GLI2: variants seen among roughly 807,000 people sequenced by gnomAD.
GLI2 encodes GLI family zinc finger 2, also known as transcription activator GLI2.
A neutral mutation model predicts 78.9 loss-of-function variants in GLI2; 22 were observed. The ratio of observed to expected loss-of-function variants is 0.28; its 90% CI spans 0.20 to 0.40. The LOEUF (loss-of-function observed/expected upper bound fraction) is 0.40. Ranked by LOEUF, GLI2 falls within the 10% of genes least tolerant of loss-of-function variation. The pLI is 1.00. For synonymous variants in GLI2, 974 were observed against 963.7 expected (o/e 1.01, Z -0.20); for missense variants, 2,097 against 2,213.2 (o/e 0.95, Z 1.05).
chr2:120,815,648 C>T (rs377039283), intron 2 of GLI2, among the ~76,000 whole-genome samples: 2 of 152,192 alleles, frequency 1.3e-5, no homozygotes, highest in South Asian at 2.1e-4. Flanking sequence ...CCTTCCCCTG[C>T]TTTTCTACCC....
At chr2:120,873,390 A>G (rs1312135928) in intron 2 of GLI2, among the ~76,000 whole-genome samples, 2 of 152,234 alleles carry the variant, frequency 1.3e-5, no homozygotes. Context: ...TTTTATGGAA[A>G]ATATTTCCCA....
chr2:120,947,854 C>T (rs527238124), intron 3 of GLI2, among the ~76,000 whole-genome samples: 228 of 152,286 alleles, frequency 1.5e-3, no homozygotes, highest in Middle Eastern at 3.4e-3. Flanking sequence ...TATCTGCCTC[C>T]GGGGGATGGC....
At chr2:120,910,570 G>A (rs1678766028) in intron 2 of GLI2, among the ~76,000 whole-genome samples, 2 of 152,216 alleles carry the variant, frequency 1.3e-5, no homozygotes, top group African/African-American at 4.8e-5. Context: ...GACCCGGGGT[G>A]GGCCCTTTGC....
At position 120,991,913 on chromosome 2, in the gene GLI2, A is replaced by T. The variant is rs1187626176; in HGVS notation, c.*1238A>T. ...TCGTTGAATTTTCCTGTTCAGTGTG[A>T]CCAAGACCCACCTGGAAATGGAATT... On this transcript the variant is annotated 3_prime_UTR_variant, in exon 14 of 14. Transcript: ENST00000361492. The T allele has an allele frequency of 1.3e-5, 2 of 152,006 alleles. No homozygotes were observed. The highest frequency in any genetic ancestry group is 2.4e-5 in the African/African-American group (1 of 41,296). 9.4% of individuals were successfully genotyped at this position (152,006 alleles called of 1,614,324 possible). A position where few individuals can be genotyped will look rare whatever the true frequency, so the allele number is the denominator to read the frequency against.
rs147593242 is a variant in GLI2 at position 120,824,582 on chromosome 2, G to A, written c.148+27114G>A. Among the ~76,000 whole-genome samples, 26 of 152,330 alleles carry A rather than the reference G, an allele frequency of 1.7e-4. No homozygotes were observed. In the East Asian group the frequency reaches 4.8e-3, roughly 28 times the overall value. The stretch of plus-strand genomic sequence containing the variant: ...ACTGCCCCCTGCTCCATCTCTGGCT[G>A]TAAGCCCCTTTGGGCCCCCTTTGGG... On this transcript the variant is annotated intron_variant, in intron 2 of 13. Transcript: ENST00000361492.
At position 120,974,889 on chromosome 2, in the gene GLI2, C is replaced by G. The variant is rs755203507; in HGVS notation, c.1183-86C>G. The G allele has an allele frequency of 2.5e-6, 4 of 1,606,378 alleles. No homozygotes were observed. The South Asian group carries it at 4.4e-5, about 18-fold the overall frequency. On this transcript the variant is annotated intron_variant, in intron 8 of 13. Transcript: ENST00000361492. ...CTGTAACAGCCCAGGGTCCTTGGCA[C>G]AGAATGCATGGGACTAACAGCGACC...
At chr2:120,894,819 C>T (rs1477394676) in intron 2 of GLI2, among the ~76,000 whole-genome samples, 1 of 152,170 alleles carries the variant, frequency 6.6e-6, no homozygotes, top group African/African-American at 2.4e-5. Flanking sequence ...CTGCCTCAGC[C>T]TCCGGAGTAG....
At chr2:120,811,150 G>T (rs568117122) in intron 2 of GLI2, among the ~76,000 whole-genome samples, 139 of 152,350 alleles carry the variant, frequency 9.1e-4, no homozygotes, top group African/African-American at 3.0e-3. Context: ...GGTGGCCCAT[G>T]TGCTGCTGGT....
intron 1 of GLI2, among the ~76,000 whole-genome samples, chr2:120,762,188 T>A (rs1483621549): frequency 2.0e-5 from 3 of 151,804 alleles, no homozygotes; most frequent in African/African-American, 7.3e-5. Context: ...GGCTTAGGGG[T>A]TTCTACTGGG....
At chr2:120,771,333 C>T (rs75854441) in intron 1 of GLI2, among the ~76,000 whole-genome samples, 2,356 of 152,322 alleles carry the variant, frequency 0.015, 53 homozygotes, top group African/African-American at 0.052. Flanking sequence ...GCGATTGGGG[C>T]GGACACTTGC....
intron 1 of GLI2, among the ~76,000 whole-genome samples, chr2:120,796,166 G>A (rs1684383426): frequency 1.3e-5 from 2 of 152,210 alleles, no homozygotes; most frequent in Admixed American, 6.5e-5. Context: ...AGCTGGAGAC[G>A]GAAGTTGCCC....
In GLI2 at chr2:120,990,168, G is replaced by A. The variant is rs1573744473; in HGVS notation, c.4203G>A (p.Lys1401=). Residue 1401 remains lysine, a synonymous_variant, in exon 14 of 14, where the codon AAG becomes AAA. Transcript: ENST00000361492. ...SSQETAEAVP[K]GAMGNMGSVP... ...AGGAAACAGCAGAGGCTGTGCCCAA[G>A]GGAGCGATGGGCAACATGGGGTCGG... 6.2e-7 allele frequency: 1 copy of A among 1,612,672 alleles called. No individual in the cohort carries two copies. Among genetic ancestry groups the A allele is most frequent in the South Asian group, 1.1e-5 (1 of 91,056 alleles).
intron 5 of GLI2, among the ~76,000 whole-genome samples, chr2:120,965,934 C>T (rs886500034): frequency 1.3e-5 from 2 of 152,180 alleles, no homozygotes; most frequent in African/African-American, 2.4e-5. Flanking sequence ...GTGGGCATCC[C>T]CAGAAGCAAC....
intron 2 of GLI2, among the ~76,000 whole-genome samples, chr2:120,871,971 CG>C (rs1195885765): frequency 3.3e-5 from 5 of 152,148 alleles, no homozygotes; most frequent in African/African-American, 2.4e-5. Flanking sequence ...GAGGGACCCC[CG>C]GGGTCTGGGC....
intron 2 of GLI2, among the ~76,000 whole-genome samples, chr2:120,834,286 T>C (rs1281544410): frequency 6.6e-6 from 1 of 152,058 alleles, no homozygotes; most frequent in Non-Finnish European, 1.5e-5. Context: ...GGGGAGAGCA[T>C]GGGAAGGAGG....
rs1314705253 is a variant in GLI2 at position 120,737,814 on chromosome 2, T to A, written c.-31+1529T>A. On this transcript the variant is annotated intron_variant, in intron 1 of 13. Coordinates refer to ENST00000361492, the MANE Select transcript of GLI2 (RefSeq NM_001374353.1). The surrounding 1 kb of genome is among the most constrained non-coding windows in gnomAD (Gnocchi z 4.3). ...AATAGTGTTTAAACAAATATTGTAT[T>A]GGCATGCTCAGGGGGCTCGGTGCCA... is the stretch of plus-strand genomic sequence containing the variant. Among the ~76,000 whole-genome samples the A allele has an allele frequency of 6.6e-6, 1 of 152,214 alleles. No individual in the cohort carries two copies. The highest frequency in any genetic ancestry group is 2.4e-5 in the African/African-American group (1 of 41,456).
chr2:120,736,043 G>A lies in GLI2; in HGVS notation c.-273G>A, dbSNP rs1027298487. Among the ~76,000 whole-genome samples the A allele has an allele frequency of 3.3e-5, 5 of 151,736 alleles. No individual in the cohort carries two copies. The highest frequency in any genetic ancestry group is 9.6e-5 in the African/African-American group (4 of 41,464). On this transcript the variant is annotated 5_prime_UTR_variant, in exon 1 of 14. Transcript: ENST00000361492. ...GGAGGAGCCGGAGGAAAGAGCTTGG[G>A]CCGCGCGGCGCGCCGCAGCCTCGGG...
intron 2 of GLI2, among the ~76,000 whole-genome samples, chr2:120,869,430 A>G (rs1688317821): frequency 6.6e-6 from 1 of 152,192 alleles, no homozygotes; most frequent in Non-Finnish European, 1.5e-5. Context: ...AAACTTTTGA[A>G]GCATGAAATG....
intron 3 of GLI2, among the ~76,000 whole-genome samples, chr2:120,938,274 C>T (rs1680289734): frequency 6.6e-6 from 1 of 152,198 alleles, no homozygotes; most frequent in Non-Finnish European, 1.5e-5. Flanking sequence ...CTCCTCCCCT[C>T]CCTACCCTGC....
Sources: allele counts gnomAD v4.1 joint callset (sites outside exome capture counted in the v4.1 genomes callset), GRCh38; gene constraint gnomAD v4.1.1; non-coding constraint Gnocchi (gnomAD v3.1); transcripts MANE v1.5; gene names NCBI Gene and HGNC (gene_info 2026-07-23, HGNC 2026-07-21).